The following RASA3 variants were observed in gnomAD, a reference collection of about 807,000 sequenced individuals.
RASA3 encodes ras GTPase-activating protein 3.
In RASA3, 73 loss-of-function variants were observed where a neutral mutation model predicts 110.0. That is an observed-to-expected ratio of 0.66 (90% CI 0.55 to 0.81). The LOEUF (loss-of-function observed/expected upper bound fraction) is 0.81, where lower values mean the gene tolerates loss of function less well. Ranked by LOEUF, RASA3 falls within the 30% of genes least tolerant of loss-of-function variation. The pLI, the probability that RASA3 is intolerant of heterozygous loss-of-function variation, is 0.00. For missense variants in RASA3, 976 were observed against 1,113.2 expected, an observed-to-expected ratio of 0.88 and a Z score of 1.75; for synonymous variants, 500 against 451.4, an observed-to-expected ratio of 1.11 and a Z score of -1.37.
rs749285468 is a variant in RASA3, at chr13:114,073,708, A to G, written c.173+12T>C. ...ACACATCAGTGCCAAGTAAAGCAAC[A>G]GAAGACATTACCAGAGTGACTTTTC... On this transcript the variant is annotated intron_variant, in intron 2 of 23. Coordinates refer to ENST00000334062, the MANE Select transcript of RASA3 (RefSeq NM_007368.4). The G allele has an allele frequency of 2.5e-6, 4 of 1,595,508 alleles. No homozygotes were observed.
chr13:113,978,890 G>A lies in RASA3; in HGVS notation c.*457C>T. ...GTGATGAAGCCGAAAGCCGAGGCGGGGCCAGCAGGCCTCCCGGGCACAGAG... is the reference window on the plus strand; with the variant it reads ...GTGATGAAGCCGAAAGCCGAGGCGGAGCCAGCAGGCCTCCCGGGCACAGAG... On this transcript the variant is annotated 3_prime_UTR_variant, in exon 24 of 24. Coordinates refer to ENST00000334062, the MANE Select transcript of RASA3 (RefSeq NM_007368.4). 6.1e-6 allele frequency: 1 copy of A among 162,764 alleles called. No individual in the cohort carries two copies. Among genetic ancestry groups the A allele is most frequent in the South Asian group, 1.8e-4 (1 of 5,696 alleles). The allele number at this position is 162,764 out of a possible 1,614,324, so 10.1% of individuals were successfully genotyped here.
chr13:114,002,731 G>T (rs1052615893), intron 18 of RASA3, among the ~76,000 whole-genome samples: 14 of 152,210 alleles, frequency 9.2e-5, no homozygotes, highest in African/African-American at 3.4e-4. Flanking sequence ...AGAGAAGCCA[G>T]TGGCTCCTCA....
Position 114,014,765 on chromosome 13 carries a change from C to T in RASA3, c.1405+444G>A, listed in dbSNP as rs74116416. On this transcript the variant is annotated intron_variant, in intron 14 of 23. Coordinates refer to ENST00000334062, the MANE Select transcript of RASA3 (RefSeq NM_007368.4). This position sits in a 1 kb window ranked among gnomAD's most constrained non-coding sequence, Gnocchi z 4.5. ...TCGAAGACACGGGCAGGCAGAGCCC[C>T]CAACACCACTCTGGGCCCTGCCAGG... is the stretch of plus-strand genomic sequence containing the variant. Among the ~76,000 whole-genome samples the T allele has an allele frequency of 0.019, 2,962 of 152,184 alleles. 96 individuals are homozygous for T. The highest frequency in any genetic ancestry group is 0.067 in the African/African-American group (2,790 of 41,506).
At chr13:114,039,920 G>C (rs920815604) in intron 4 of RASA3, among the ~76,000 whole-genome samples, 3 of 152,160 alleles carry the variant, frequency 2.0e-5, no homozygotes, top group African/African-American at 7.2e-5. Context: ...TTCGACAATG[G>C]ACACGGGAGA....
At chr13:114,087,379 G>A (rs553008184) in intron 1 of RASA3, among the ~76,000 whole-genome samples, 24 of 152,374 alleles carry the variant, frequency 1.6e-4, no homozygotes, top group Non-Finnish European at 2.9e-4. Flanking sequence ...CGTCCTCAGC[G>A]TATGTGATGG....
At chr13:114,128,213 CAG>C (rs2139805507) in intron 1 of RASA3, among the ~76,000 whole-genome samples, 1 of 152,364 alleles carries the variant, frequency 6.6e-6, no homozygotes, top group East Asian at 1.9e-4. Context: ...CACTGTCAGA[CAG>C]ACACGGGGAA....
intron 1 of RASA3, among the ~76,000 whole-genome samples, chr13:114,123,291 T>G (rs550040096): frequency 1.3e-5 from 2 of 152,154 alleles, no homozygotes; most frequent in African/African-American, 4.8e-5. Flanking sequence ...GCAAACTAGC[T>G]GCTCCAGCAC....
intron 20 of RASA3, among the ~76,000 whole-genome samples, chr13:113,999,362 C>A (rs952538029): frequency 6.6e-6 from 1 of 152,138 alleles, no homozygotes; most frequent in African/African-American, 2.4e-5. Flanking sequence ...AGGTTCCACC[C>A]CACCCCGGTG....
rs547115085 is a variant in RASA3 at position 114,057,571 on chromosome 13, A to T, written c.174-5416T>A. The T allele has an allele frequency of 6.9e-5, 65 of 938,846 alleles. No individual in the cohort carries two copies. Among genetic ancestry groups the T allele is most frequent in the Non-Finnish European group, 7.9e-5 (62 of 787,638 alleles). 58.2% of individuals were successfully genotyped at this position (938,846 alleles called of 1,614,324 possible). On this transcript the variant is annotated intron_variant, in intron 2 of 23. Coordinates refer to ENST00000334062, the MANE Select transcript of RASA3 (RefSeq NM_007368.4). The surrounding 1 kb of genome is among the most constrained non-coding windows in gnomAD (Gnocchi z 5.0). ...CAGGGACAGTGGAGGCCCCCACAGG[A>T]AGGAAACCTCTCCCCACAATGACTG...
chr13:114,020,468 G>C, intron 9 of RASA3, among the ~76,000 whole-genome samples: 1 of 152,204 alleles, frequency 6.6e-6, no homozygotes, highest in African/African-American at 2.4e-5. Context: ...TGCCGTCTTC[G>C]TAGAATCAAA....
At chr13:114,127,042 T>C (rs1455363631) in intron 1 of RASA3, among the ~76,000 whole-genome samples, 1 of 152,146 alleles carries the variant, frequency 6.6e-6, no homozygotes, top group Non-Finnish European at 1.5e-5. Flanking sequence ...TTGTGGCTGT[T>C]TCCAGCCAAT....
chr13:114,071,732 C>A (rs2079575326), intron 2 of RASA3, among the ~76,000 whole-genome samples: 1 of 152,190 alleles, frequency 6.6e-6, no homozygotes, highest in Admixed American at 6.5e-5. Flanking sequence ...ACTCCTCGGC[C>A]TGGAGGGCAG....
At chr13:114,055,716 T>C (rs1049163955) in intron 2 of RASA3, among the ~76,000 whole-genome samples, 3 of 152,224 alleles carry the variant, frequency 2.0e-5, no homozygotes, top group Non-Finnish European at 4.4e-5. Flanking sequence ...GAAAGCAGCC[T>C]GGACTTGGCG....
chr13:113,983,570 C>G (rs1470894131), intron 22 of RASA3, among the ~76,000 whole-genome samples: 1 of 93,134 alleles, frequency 1.1e-5, no homozygotes, highest in Non-Finnish European at 2.5e-5. Context: ...CTACCCATAT[C>G]TCAAAAAAAA....
chr13:114,078,430 T>G (rs746823427), intron 1 of RASA3, among the ~76,000 whole-genome samples: 13 of 152,186 alleles, frequency 8.5e-5, no homozygotes, highest in Non-Finnish European at 1.3e-4. Context: ...ATAAATGAAT[T>G]AAAAGAAAAG....
chr13:114,021,995 C>G (rs2053937319), intron 8 of RASA3, among the ~76,000 whole-genome samples: 1 of 152,124 alleles, frequency 6.6e-6, no homozygotes, highest in Non-Finnish European at 1.5e-5. Context: ...GCTCCAGCAC[C>G]ATCTGTCCCC....
chr13:114,073,884 G>T, intron 1 of RASA3, 47 bp from the exon 2 acceptor site: 1 of 1,454,380 alleles, frequency 6.9e-7, no homozygotes, highest in Non-Finnish European at 9.7e-7. Context: ...AGAAATGTTT[G>T]TTCCCTGCTA....
intron 5 of RASA3, among the ~76,000 whole-genome samples, 154 bp from the exon 6 acceptor site, chr13:114,028,081 C>T (rs1252791541): frequency 1.3e-5 from 2 of 152,144 alleles, no homozygotes; most frequent in Admixed American, 6.5e-5. Flanking sequence ...CATTCTGCCT[C>T]GGTGTGACGC....
chr13:114,108,673 C>G (rs1487988987), intron 1 of RASA3: 1 of 152,240 alleles, frequency 6.6e-6, no homozygotes, highest in East Asian at 1.9e-4. Flanking sequence ...CACTGGGCGG[C>G]TGGGCACAGC....
Sources: gnomAD v4.1 joint callset for allele counts (sites outside exome capture counted in the v4.1 genomes callset) on GRCh38, gnomAD v4.1.1 for gene constraint, Gnocchi (gnomAD v3.1) non-coding constraint, MANE v1.5 for transcripts, NCBI Gene and HGNC (gene_info 2026-07-23, HGNC 2026-07-21) for gene names.